CMSS1: variants seen among roughly 807,000 people sequenced by gnomAD.
CMSS1 encodes the protein cms1 ribosomal small subunit homolog.
CMSS1 carries 33 observed loss-of-function variants against 43.5 expected under a neutral mutation model. The ratio of observed to expected loss-of-function variants is 0.76; its 90% CI spans 0.57 to 1.01. The LOEUF (loss-of-function observed/expected upper bound fraction) is 1.01. Among genes scored for constraint, CMSS1 ranks in the 50% least tolerant of loss-of-function variants. The pLI, the probability that CMSS1 is intolerant of heterozygous loss-of-function variation, is 0.00. For synonymous variants in CMSS1, 115 were observed against 117.2 expected (o/e 0.98, Z 0.12); for missense variants, 313 against 326.4 (o/e 0.96, Z 0.32).
At chr3:100,131,653 T>A (rs1239570952) in intron 1 of CMSS1, among the ~76,000 whole-genome samples, 2 of 152,196 alleles carry the variant, frequency 1.3e-5, no homozygotes, top group Non-Finnish European at 2.9e-5. Context: ...TGCTACTCCC[T>A]GCACCCCAAT....
chr3:99,817,870 G>C lies in CMSS1; in HGVS notation c.-110G>C, dbSNP rs551247120. Reference sequence around the variant, plus strand: ...CGCGGGGCGGAGGCGACAGTGTCTAGCGGGAGCTCCGCGTGTAGCTACGCC... The same window carrying C: ...CGCGGGGCGGAGGCGACAGTGTCTACCGGGAGCTCCGCGTGTAGCTACGCC... On this transcript the variant is annotated 5_prime_UTR_variant, in exon 1 of 10. Transcript: ENST00000421999. 2.6e-6 allele frequency: 3 copies of C among 1,132,884 alleles called. No individual in the cohort carries two copies. Among genetic ancestry groups the C allele is most frequent in the East Asian group, 2.5e-5 (1 of 39,758 alleles). The allele number at this position is 1,132,884 out of a possible 1,614,324, so 70.2% of individuals were successfully genotyped here.
intron 1 of CMSS1, chr3:99,848,212 A>ATT: frequency 6.4e-7 from 1 of 1,571,178 alleles, no homozygotes; most frequent in Non-Finnish European, 8.6e-7. Context: ...TGGAGGGATG[A>ATT]TTAAAAAAGG....
At chr3:100,119,710 T>A (rs780239115) in intron 1 of CMSS1, among the ~76,000 whole-genome samples, 9 of 152,106 alleles carry the variant, frequency 5.9e-5, no homozygotes, top group Non-Finnish European at 1.2e-4. Flanking sequence ...GTAAAAAAAA[T>A]AAGAAAATTA....
At chr3:100,134,141 G>A (rs545235220) in intron 1 of CMSS1, among the ~76,000 whole-genome samples, 5 of 152,060 alleles carry the variant, frequency 3.3e-5, no homozygotes, top group Admixed American at 2.0e-4. Context: ...ATTTCTGTTC[G>A]GGGAAATTAT....
chr3:100,024,610 G>A (rs1194412954), intron 1 of CMSS1, among the ~76,000 whole-genome samples: 1 of 152,090 alleles, frequency 6.6e-6, no homozygotes, highest in Non-Finnish European at 1.5e-5. Flanking sequence ...AATCCAACAG[G>A]CATAGGCAGG....
At chr3:99,997,237 A>G (rs944805552) in intron 1 of CMSS1, among the ~76,000 whole-genome samples, 3 of 152,218 alleles carry the variant, frequency 2.0e-5, no homozygotes, top group Admixed American at 6.5e-5. Context: ...AACCAAGAAG[A>G]AGGTCCAAAT....
intron 1 of CMSS1, among the ~76,000 whole-genome samples, chr3:99,846,403 A>G (rs1943366910): frequency 6.6e-6 from 1 of 152,248 alleles, no homozygotes; most frequent in South Asian, 2.1e-4. Context: ...AACTAGAAAA[A>G]GATCTCATGA....
chr3:100,029,759 C>T (rs1339667213), intron 1 of CMSS1, among the ~76,000 whole-genome samples: 1 of 152,186 alleles, frequency 6.6e-6, no homozygotes, highest in African/African-American at 2.4e-5. Flanking sequence ...GCTAGACAAA[C>T]TGCTACTAAG....
intron 1 of CMSS1, among the ~76,000 whole-genome samples, chr3:99,874,758 CTG>C (rs1255224774): frequency 6.6e-6 from 1 of 152,086 alleles, no homozygotes; most frequent in Non-Finnish European, 1.5e-5. Flanking sequence ...TTTTTAAATG[CTG>C]TGTTTCAATG....
intron 1 of CMSS1, among the ~76,000 whole-genome samples, chr3:100,085,646 T>A (rs2065997203): frequency 6.6e-6 from 1 of 152,218 alleles, no homozygotes; most frequent in Non-Finnish European, 1.5e-5. Context: ...CCGTCTCTCA[T>A]GAGGGAATGA....
At chr3:100,167,981 G>C in intron 6 of CMSS1, 141 bp downstream of exon 6, 2 of 537,624 alleles carry the variant, frequency 3.7e-6, no homozygotes, top group Non-Finnish European at 6.6e-6. Flanking sequence ...TTCAGTGGGG[G>C]AGACAGATAA....
rs141490644 is a variant in CMSS1, at chr3:99,952,396, G to T, written c.64+134353G>T. 4.2e-3 allele frequency among the ~76,000 whole-genome samples: 634 copies of T among 152,230 alleles called. 4 individuals are homozygous for T. Among genetic ancestry groups the T allele is most frequent in the African/African-American group, 0.015 (605 of 41,538 alleles). ...TCTGCCAGTCATTATGTCTGTTCAA[G>T]TTGAGGAAACAGAATAATTTTCTGG... On this transcript the variant is annotated intron_variant, in intron 1 of 9. Coordinates refer to ENST00000421999, the MANE Select transcript of CMSS1 (RefSeq NM_032359.4).
chr3:99,888,302 G>A (rs1055207718), intron 1 of CMSS1, among the ~76,000 whole-genome samples: 6 of 152,002 alleles, frequency 3.9e-5, no homozygotes, highest in African/African-American at 1.4e-4. Context: ...GAAGGTTGAG[G>A]CTACAGTGAG....
At chr3:99,868,836 CTTTTCT>C (rs1168785600) in intron 1 of CMSS1, among the ~76,000 whole-genome samples, 1 of 152,130 alleles carries the variant, frequency 6.6e-6, no homozygotes, top group African/African-American at 2.4e-5. Context: ...GCTGATTTTC[CTTTTCT>C]AAGTCCCCAC....
At chr3:99,879,472 C>G (rs1200605196) in intron 1 of CMSS1, among the ~76,000 whole-genome samples, 1 of 152,210 alleles carries the variant, frequency 6.6e-6, no homozygotes, top group Admixed American at 6.5e-5. Flanking sequence ...CTAATCACAT[C>G]AAGCCAGTTC....
intron 1 of CMSS1, among the ~76,000 whole-genome samples, chr3:99,965,371 C>T (rs1361791401): frequency 1.3e-5 from 2 of 152,164 alleles, no homozygotes; most frequent in East Asian, 3.8e-4. Flanking sequence ...CTCTGTTGCC[C>T]AGTCAGGTGC....
chr3:100,147,972 C>G (rs754421363), intron 2 of CMSS1, among the ~76,000 whole-genome samples: 2 of 152,146 alleles, frequency 1.3e-5, no homozygotes, highest in Non-Finnish European at 2.9e-5. Flanking sequence ...TTCCATCAAA[C>G]CTGATTGGTA....
intron 1 of CMSS1, among the ~76,000 whole-genome samples, chr3:100,059,410 T>C (rs1033253576): frequency 6.6e-6 from 1 of 152,238 alleles, no homozygotes; most frequent in Non-Finnish European, 1.5e-5. Context: ...TCCGTGATCA[T>C]CACTGCTTTC....
intron 1 of CMSS1, among the ~76,000 whole-genome samples, chr3:100,004,876 G>A (rs937233058): frequency 1.1e-4 from 17 of 152,188 alleles, no homozygotes; most frequent in Admixed American, 1.1e-3. Context: ...TTAGAGGCAG[G>A]AGAATTATTG....
Sources: allele counts gnomAD v4.1 joint callset (sites outside exome capture counted in the v4.1 genomes callset), GRCh38; gene constraint gnomAD v4.1.1; transcripts MANE v1.5; gene names NCBI Gene and HGNC (gene_info 2026-07-23, HGNC 2026-07-21).